The following OCIAD1 variants were observed in gnomAD, a reference collection of about 807,000 sequenced individuals.
OCIAD1 encodes OCIA domain containing 1.
A neutral mutation model predicts 38.9 loss-of-function variants in OCIAD1; 29 were observed. That is an observed-to-expected ratio of 0.74 (90% CI 0.55 to 1.02). The LOEUF (loss-of-function observed/expected upper bound fraction) is 1.02, where lower values mean the gene tolerates loss of function less well. OCIAD1 is among the 50% of genes least tolerant of loss of function. The pLI is 0.00. For missense variants in OCIAD1, 288 were observed against 289.6 expected (o/e 0.99, Z 0.04); for synonymous variants, 110 against 92.0 (o/e 1.20, Z -1.12).
chr4:48,821,986 T>G (rs937034371), intron 1 of OCIAD1, among the ~76,000 whole-genome samples: 4 of 152,094 alleles, frequency 2.6e-5, no homozygotes, highest in Non-Finnish European at 4.4e-5. Flanking sequence ...AATTTATAGA[T>G]TCAATGCTAT....
chr4:48,846,455 G>T (rs1290548484), intron 4 of OCIAD1, among the ~76,000 whole-genome samples: 1 of 152,172 alleles, frequency 6.6e-6, no homozygotes, highest in African/African-American at 2.4e-5. Context: ...GGTTTTTAAA[G>T]TGTTGGTAGT....
chr4:48,860,882 G>T lies in OCIAD1; in HGVS notation c.*120G>T. ...ATAAACACATTTAAAACAAGATCCT[G>T]GGTTTTTGTGGTTTGACTTCTATGG... is the stretch of plus-strand genomic sequence containing the variant. On this transcript the variant is annotated 3_prime_UTR_variant, in exon 9 of 9. Coordinates refer to ENST00000264312, the MANE Select transcript of OCIAD1 (RefSeq NM_017830.4). 2.7e-6 allele frequency: 2 copies of T among 745,754 alleles called. No individual in the cohort carries two copies. Among genetic ancestry groups the T allele is most frequent in the Admixed American group, 2.5e-5 (1 of 40,214 alleles). 46.2% of individuals were successfully genotyped at this position (745,754 alleles called of 1,614,324 possible). A position where few individuals can be genotyped will look rare whatever the true frequency, so the allele number is the denominator to read the frequency against.
chr4:48,852,890 T>TGTTTGTTTTTTG (rs1779650954), intron 7 of OCIAD1, among the ~76,000 whole-genome samples: 1 of 147,582 alleles, frequency 6.8e-6, no homozygotes, highest in African/African-American at 2.5e-5. Flanking sequence ...TTGTTTTTTT[T>TGTTTGTTTTTTG]TTTTTTTTTG....
chr4:48,823,307 G>A (rs1392001112), intron 1 of OCIAD1, among the ~76,000 whole-genome samples: 5 of 151,886 alleles, frequency 3.3e-5, no homozygotes, highest in African/African-American at 4.8e-5. Context: ...ACCAAACACC[G>A]CATGTTCTCA....
At chr4:48,850,891 T>C (rs905649854) in intron 6 of OCIAD1, among the ~76,000 whole-genome samples, 1 of 152,204 alleles carries the variant, frequency 6.6e-6, no homozygotes, top group African/African-American at 2.4e-5. Context: ...GTTGTAAATA[T>C]AGAGTTGTGT....
upstream of OCIAD1, among the ~76,000 whole-genome samples, chr4:48,826,529 C>T (rs184369485): frequency 1.5e-3 from 228 of 152,214 alleles, no homozygotes; most frequent in African/African-American, 4.6e-3. Flanking sequence ...ACTATATTTT[C>T]AATTCTTCTC....
At chr4:48,818,873 G>GA (rs985389296) in intron 1 of OCIAD1, among the ~76,000 whole-genome samples, 4 of 152,006 alleles carry the variant, frequency 2.6e-5, no homozygotes, top group African/African-American at 9.7e-5. Flanking sequence ...CAAGATTAGA[G>GA]AAAAAATAAT....
intron 1 of OCIAD1, among the ~76,000 whole-genome samples, chr4:48,808,014 A>G (rs1472881613): frequency 6.6e-6 from 1 of 152,200 alleles, no homozygotes; most frequent in Non-Finnish European, 1.5e-5. Context: ...TTAAAATACT[A>G]TTTTTATAAA....
At position 48,857,222 on chromosome 4, in the gene OCIAD1, C is replaced by T. The variant is rs762133343; in HGVS notation, c.557C>T (p.Pro186Leu). 22 of 1,538,142 alleles carry T rather than the reference C, an allele frequency of 1.4e-5. No individual in the cohort carries two copies. Among genetic ancestry groups the T allele is most frequent in the Non-Finnish European group, 1.9e-5 (22 of 1,143,416 alleles). ...CTGTTTGTTGTTTTAGGACCTGATC[C>T]CAACCTTGAAGAAAGTCCTAAAAGA... The part of the protein sequence containing the change: ...ITDHIVQGPD[P>L]NLEESPKRKN... The change falls in exon 8 of 9, where the codon CCC becomes CTC. Residue 186 changes from proline to leucine, a missense_variant. Pro to Leu is a moderately conservative substitution (Grantham distance 98). Coordinates refer to ENST00000264312, the MANE Select transcript of OCIAD1 (RefSeq NM_017830.4).
chr4:48,815,662 G>A (rs1038573264), intron 1 of OCIAD1, among the ~76,000 whole-genome samples: 2 of 152,200 alleles, frequency 1.3e-5, no homozygotes, highest in East Asian at 3.8e-4. Flanking sequence ...CTCAGTTCTT[G>A]TAAAATTCTC....
chr4:48,860,879 C>G lies in OCIAD1; in HGVS notation c.*117C>G, dbSNP rs1429749352. On this transcript the variant is annotated 3_prime_UTR_variant, in exon 9 of 9. Transcript: ENST00000264312. Reference sequence around the variant, plus strand: ...TTCATAAACACATTTAAAACAAGATCCTGGGTTTTTGTGGTTTGACTTCTA... The same window carrying G: ...TTCATAAACACATTTAAAACAAGATGCTGGGTTTTTGTGGTTTGACTTCTA... The G allele has an allele frequency of 3.9e-6, 3 of 777,334 alleles. No individual in the cohort carries two copies. Among genetic ancestry groups the G allele is most frequent in the South Asian group, 3.2e-5 (2 of 62,610 alleles). 48.2% of individuals were successfully genotyped at this position (777,334 alleles called of 1,614,324 possible).
At chr4:48,813,434 G>A (rs1777111047) in intron 1 of OCIAD1, among the ~76,000 whole-genome samples, 1 of 152,104 alleles carries the variant, frequency 6.6e-6, no homozygotes, top group African/African-American at 2.4e-5. Flanking sequence ...TGAGTGGATC[G>A]CCTGAACTCA....
intron 6 of OCIAD1, among the ~76,000 whole-genome samples, chr4:48,850,730 CG>C (rs1361926362): frequency 6.6e-6 from 1 of 152,134 alleles, no homozygotes; most frequent in Non-Finnish European, 1.5e-5. Flanking sequence ...TACACCACCA[CG>C]CCTAGCTAAT....
Position 48,857,354 on chromosome 4 carries a change from C to CA in OCIAD1, c.696dup (p.Glu233ArgfsTer13), listed in dbSNP as rs768679897. 2.6e-6 allele frequency: 4 copies of CA among 1,540,038 alleles called. No homozygotes were observed. Among genetic ancestry groups the CA allele is most frequent in the Admixed American group, 4.2e-5 (2 of 47,240 alleles). ...GTCAGGCCTATGCATGAAAGAGTGCCAAAAAAAGAAGGTATGATAGTTTAG... is the reference window on the plus strand; with the variant it reads ...GTCAGGCCTATGCATGAAAGAGTGCCAAAAAAAAGAAGGTATGATAGTTTAG... On this transcript the variant is annotated frameshift_variant, in exon 8 of 9. Coordinates refer to ENST00000264312, the MANE Select transcript of OCIAD1 (RefSeq NM_017830.4). LOFTEE classifies it high-confidence loss of function.
upstream of OCIAD1, among the ~76,000 whole-genome samples, chr4:48,826,290 C>T (rs1370900353): frequency 1.3e-5 from 2 of 152,054 alleles, no homozygotes; most frequent in Non-Finnish European, 2.9e-5. Flanking sequence ...TCTCCTAATG[C>T]GATCCCTCCT....
chr4:48,837,896 A>G (rs1025471357), intron 3 of OCIAD1, among the ~76,000 whole-genome samples: 2 of 152,320 alleles, frequency 1.3e-5, no homozygotes, highest in Admixed American at 6.5e-5. Flanking sequence ...CCAAAAGTAC[A>G]TTAAAGGGTA....
At chr4:48,836,459 C>T (rs1049645455) in intron 3 of OCIAD1, among the ~76,000 whole-genome samples, 4 of 152,022 alleles carry the variant, frequency 2.6e-5, no homozygotes, top group East Asian at 1.9e-4. Flanking sequence ...GTGCAACATT[C>T]GATTGTCGAA....
upstream of OCIAD1, among the ~76,000 whole-genome samples, chr4:48,829,620 C>T (rs1447090061): frequency 6.6e-6 from 1 of 152,162 alleles, no homozygotes; most frequent in Non-Finnish European, 1.5e-5. Context: ...AGGAATGCCT[C>T]TCTGATGTGG....
chr4:48,849,823 A>G, intron 5 of OCIAD1, 124 bp from the exon 6 acceptor site: 1 of 732,254 alleles, frequency 1.4e-6, no homozygotes, highest in East Asian at 2.7e-5. Flanking sequence ...ATTTCAGGAA[A>G]TCTCAGTCTT....
Sources: gnomAD v4.1 joint callset for allele counts (sites outside exome capture counted in the v4.1 genomes callset) on GRCh38, gnomAD v4.1.1 for gene constraint, MANE v1.5 for transcripts, NCBI Gene and HGNC (gene_info 2026-07-23, HGNC 2026-07-21) for gene names.